The following LDB1 variants were observed in gnomAD, a reference collection of about 807,000 sequenced individuals.
LDB1 encodes LIM domain binding 1, also known as LIM domain-binding protein 1.
In LDB1, 6 loss-of-function variants were observed where a neutral mutation model predicts 49.7. The observed-to-expected ratio is 0.12, with a 90% CI of 0.07 to 0.24. LDB1 has a LOEUF of 0.24. LDB1 is among the 10% of genes least tolerant of loss of function. The pLI is 1.00. For missense variants in LDB1, 341 were observed against 561.7 expected (o/e 0.61, Z 3.97); for synonymous variants, 233 against 202.0 (o/e 1.15, Z -1.30).
intron 1 of LDB1, chr10:102,114,563 CAA>C (rs1289061910): frequency 1.0e-6 from 1 of 985,592 alleles, no homozygotes; most frequent in Non-Finnish European, 1.2e-6. Context: ...GCCGGCCGCA[CAA>C]AGACTCGCAC....
At chr10:102,114,634 CTGGGCCG>C in intron 1 of LDB1, 1 of 983,332 alleles carries the variant, frequency 1.0e-6, no homozygotes, top group Non-Finnish European at 1.2e-6. Flanking sequence ...ACAATGGCCA[CTGGGCCG>C]GGGGCCGGGG....
rs780683236 is a variant in LDB1, at chr10:102,109,913, C to T, written c.648+8G>A. 34 of 1,607,124 alleles carry T rather than the reference C, an allele frequency of 2.1e-5. No homozygotes were observed. Among genetic ancestry groups the T allele is most frequent in the Middle Eastern group, 1.6e-4 (1 of 6,062 alleles). ...ACTCTTGCATCCTGGGTCCTGCCCA[C>T]GACTCACATGCATGGCAAGGATGCT... On this transcript the variant is annotated splice_region_variant and intron_variant, in intron 7 of 10. Coordinates refer to ENST00000673968, the MANE Select transcript of LDB1 (RefSeq NM_001113407.3). This position sits in a 1 kb window ranked among gnomAD's most constrained non-coding sequence, Gnocchi z 5.8.
At chr10:102,114,492 G>C (rs1023408586) in intron 1 of LDB1, 12 of 986,180 alleles carry the variant, frequency 1.2e-5, no homozygotes, top group Non-Finnish European at 1.4e-5. Flanking sequence ...CTGACGGGGG[G>C]ACAACTTCAG....
chr10:102,109,279 A>G lies in LDB1; in HGVS notation c.857-102T>C. On this transcript the variant is annotated intron_variant, in intron 9 of 10. Transcript: ENST00000673968. The surrounding 1 kb of genome is among the most constrained non-coding windows in gnomAD (Gnocchi z 5.8). ...GAGCCTGCCCTGATCCCAATTTTGT[A>G]GACCCGGGAACAAGGAAGGGGTGGG... The G allele has an allele frequency of 6.2e-7, 1 of 1,603,014 alleles. No individual in the cohort carries two copies. The highest frequency in any genetic ancestry group is 8.5e-7 in the Non-Finnish European group (1 of 1,173,958).
At chr10:102,105,762 A>C (rs1472718682), downstream of LDB1, among the ~76,000 whole-genome samples, 9 of 151,180 alleles carry the variant, frequency 6.0e-5, no homozygotes, top group East Asian at 1.7e-3. Flanking sequence ...AAGAGTTTGA[A>C]ACCAGCCTGG....
chr10:102,104,361 C>A (rs1042699346), downstream of LDB1, among the ~76,000 whole-genome samples: 6 of 152,196 alleles, frequency 3.9e-5, no homozygotes, highest in Non-Finnish European at 7.4e-5. Context: ...TGCCTACATA[C>A]AAACACACGT....
chr10:102,110,026 C>T lies in LDB1; in HGVS notation c.543G>A (p.Arg181=). 6.2e-7 allele frequency: 1 copy of T among 1,613,450 alleles called. No individual in the cohort carries two copies. The highest frequency in any genetic ancestry group is 8.5e-7 in the Non-Finnish European group (1 of 1,179,794). Reference sequence around the variant, plus strand: ...CGTCAAACATGAACTCCAGGTACAACCGGCCCTCCACACACACCTGGGGAC... The same window carrying T: ...CGTCAAACATGAACTCCAGGTACAATCGGCCCTCCACACACACCTGGGGAC... ...PMFTQVCVEG[R]LYLEFMFDDM... Residue 181 remains arginine, a synonymous_variant, in exon 7 of 11, where the codon CGG becomes CGA. Coordinates refer to ENST00000673968, the MANE Select transcript of LDB1 (RefSeq NM_001113407.3).
chr10:102,113,580 G>A (rs532657891), intron 1 of LDB1, among the ~76,000 whole-genome samples: 4 of 152,072 alleles, frequency 2.6e-5, no homozygotes, highest in Non-Finnish European at 5.9e-5. Context: ...CAGAGGCCAG[G>A]CCTGGGCAAT....
chr10:102,114,260 T>G, intron 1 of LDB1: 1 of 861,888 alleles, frequency 1.2e-6, no homozygotes, highest in South Asian at 5.3e-5. Flanking sequence ...GCCTCCTCCC[T>G]TTAGGGACTG....
intron 1 of LDB1, among the ~76,000 whole-genome samples, chr10:102,119,298 G>A (rs1344136633): frequency 7.6e-6 from 1 of 131,328 alleles, no homozygotes; most frequent in Non-Finnish European, 1.7e-5. Context: ...GACGCCCTCC[G>A]CCCCCCCCAC....
intron 6 of LDB1, chr10:102,110,251 G>A (rs1051612909): frequency 4.7e-6 from 3 of 636,294 alleles, no homozygotes; most frequent in Admixed American, 3.0e-5. Context: ...AAGCTTAACA[G>A]ATCCTTGTCC....
Position 102,110,595 on chromosome 10 carries a change from G to C in LDB1, c.459C>G (p.Asn153Lys). Residue 153 changes from asparagine to lysine, a missense_variant, in exon 6 of 11, where the codon AAC becomes AAG. By Grantham distance (94) the Asn-to-Lys change is moderately conservative (BLOSUM62 0). Around this residue, in one of 5 missense-constraint regions of LDB1, gnomAD observed 233 missense variants for 385.7 expected, o/e 0.60. Transcript: ENST00000673968. ...LKHPKEAFHSNFVSLDCDQGS... is the reference protein window; with the variant it reads ...LKHPKEAFHSKFVSLDCDQGS... ...CCTGGTCACAGTCGAGGGACACAAA[G>C]TTGCTGTGGAATGCCTCCTTGGGGT... 2 of 1,614,100 alleles carry C rather than the reference G, an allele frequency of 1.2e-6. No individual in the cohort carries two copies. Among genetic ancestry groups the C allele is most frequent in the Non-Finnish European group, 1.7e-6 (2 of 1,179,992 alleles).
chr10:102,121,081 GGTTAATT>G (rs2068414141), upstream of LDB1, among the ~76,000 whole-genome samples: 1 of 152,140 alleles, frequency 6.6e-6, no homozygotes, highest in Non-Finnish European at 1.5e-5. Context: ...GAACTAAAAG[GGTTAATT>G]AAGTGGGGTC....
At chr10:102,120,063 G>A (rs988092185) in intron 1 of LDB1, 23 bp downstream of exon 1, 4 of 1,433,520 alleles carry the variant, frequency 2.8e-6, no homozygotes, top group African/African-American at 1.5e-5. Flanking sequence ...GGAAGGGGCC[G>A]AGTGGCCGCA....
downstream of LDB1, among the ~76,000 whole-genome samples, chr10:102,105,479 G>C (rs1244147474): frequency 6.6e-6 from 1 of 152,088 alleles, no homozygotes; most frequent in African/African-American, 2.4e-5. Flanking sequence ...GAGGGGAACA[G>C]TTTGAGGCCT....
Position 102,107,036 on chromosome 10 carries a change from AG to A in LDB1, c.*1056del, listed in dbSNP as rs2068172361. 6.6e-6 allele frequency among the ~76,000 whole-genome samples: 1 copy of A among 152,102 alleles called. No individual in the cohort carries two copies. The highest frequency in any genetic ancestry group is 2.4e-5 in the African/African-American group (1 of 41,408). ...ATTACATATGCAGTTGGAGGGGCTG[AG>A]GGAAGATTCTGGAGGAAAGTGGCTG... On this transcript the variant is annotated 3_prime_UTR_variant, in exon 11 of 11. Coordinates refer to ENST00000673968, the MANE Select transcript of LDB1 (RefSeq NM_001113407.3).
intron 1 of LDB1, among the ~76,000 whole-genome samples, chr10:102,112,257 A>G (rs1265897577): frequency 2.0e-5 from 3 of 152,234 alleles, no homozygotes; most frequent in Non-Finnish European, 4.4e-5. Context: ...AGGGCTGACC[A>G]TAACATTCCC....
chr10:102,106,236 G>A (rs923875305), downstream of LDB1, among the ~76,000 whole-genome samples: 1 of 152,032 alleles, frequency 6.6e-6, no homozygotes, highest in African/African-American at 2.4e-5. Flanking sequence ...TGGGGTGAGA[G>A]GTGGGGAGCA....
chr10:102,121,071 G>A (rs1377085946), upstream of LDB1, among the ~76,000 whole-genome samples: 1 of 152,150 alleles, frequency 6.6e-6, no homozygotes, highest in Non-Finnish European at 1.5e-5. Context: ...GTTGGGACTA[G>A]AACTAAAAGG....
Sources: allele counts gnomAD v4.1 joint callset (sites outside exome capture counted in the v4.1 genomes callset), GRCh38; gene constraint gnomAD v4.1.1; regional missense constraint gnomAD v4.1.1; non-coding constraint Gnocchi (gnomAD v3.1); transcripts MANE v1.5; gene names NCBI Gene and HGNC (gene_info 2026-07-23, HGNC 2026-07-21).